The following VIT variants were observed in gnomAD, a reference collection of about 807,000 sequenced individuals.
VIT encodes vitrin.
A neutral mutation model predicts 78.0 loss-of-function variants in VIT; 99 were observed. The ratio of observed to expected loss-of-function variants is 1.27; its 90% CI spans 1.08 to 1.50. The LOEUF is 1.50. VIT is among the 40% of genes most tolerant of loss of function. The probability of loss-of-function intolerance (pLI) is 0.00; values close to 1 mark genes in which losing one functional copy is unlikely to be tolerated. For missense variants in VIT, 1,126 were observed against 875.3 expected, an observed-to-expected ratio of 1.29 and a Z score of -3.61; for synonymous variants, 374 against 334.3, an observed-to-expected ratio of 1.12 and a Z score of -1.29.
At chr2:36,746,017 G>C (rs2148524266) in intron 4 of VIT, among the ~76,000 whole-genome samples, 1 of 152,196 alleles carries the variant, frequency 6.6e-6, no homozygotes, top group East Asian at 1.9e-4. Flanking sequence ...TATCATGAAA[G>C]GATATTGGAT....
intron 1 of VIT, among the ~76,000 whole-genome samples, chr2:36,701,644 C>G (rs1167154621): frequency 6.6e-6 from 1 of 152,246 alleles, no homozygotes; most frequent in East Asian, 1.9e-4. Context: ...CCTATGCCCT[C>G]GGGGGAACCT....
chr2:36,737,732 T>A (rs1369016886), intron 3 of VIT, among the ~76,000 whole-genome samples: 1 of 152,190 alleles, frequency 6.6e-6, no homozygotes, highest in Non-Finnish European at 1.5e-5. Context: ...TACGACTCCA[T>A]GGTTGTAAGA....
Position 36,814,297 on chromosome 2 carries a change from A to T in VIT, c.2018A>T (p.His673Leu). Residue 673 changes from histidine (H) to leucine (L), a missense_variant, in exon 16 of 16, where the codon CAT (histidine) becomes CTT (leucine). By Grantham distance (99) the His-to-Leu change is moderately conservative (BLOSUM62 -3). Transcript: ENST00000379242. ...TTTGTGGACGAGTTTGACAACCTCCATCAGTATGTCCCCAGGATCATCCAG... is the reference window on the plus strand; with the variant it reads ...TTTGTGGACGAGTTTGACAACCTCCTTCAGTATGTCCCCAGGATCATCCAG... The part of the protein sequence containing the change: ...SFFVDEFDNL[H>L]QYVPRIIQNI... 1 of 1,614,206 alleles carries T rather than the reference A, an allele frequency of 6.2e-7. No individual in the cohort carries two copies. Among genetic ancestry groups the T allele is most frequent in the Non-Finnish European group, 8.5e-7 (1 of 1,180,036 alleles).
chr2:36,805,329 T>G, intron 13 of VIT, 109 bp from the exon 14 acceptor site: 23 of 681,460 alleles, frequency 3.4e-5, no homozygotes, highest in Non-Finnish European at 4.5e-5. Flanking sequence ...AAAAAAAAAC[T>G]AGGGAGGGAA....
At chr2:36,721,473 C>A (rs1232197896) in intron 2 of VIT, among the ~76,000 whole-genome samples, 1 of 152,136 alleles carries the variant, frequency 6.6e-6, no homozygotes, top group African/African-American at 2.4e-5. Context: ...GGCTTCCCTG[C>A]CCCAAATCCT....
chr2:36,704,500 A>G (rs1665287474), intron 1 of VIT, among the ~76,000 whole-genome samples: 1 of 152,190 alleles, frequency 6.6e-6, no homozygotes, highest in African/African-American at 2.4e-5. Flanking sequence ...GGGGCCCTGC[A>G]GGAGAGTCTG....
chr2:36,759,118 G>T, intron 6 of VIT, 72 bp downstream of exon 6: 2 of 1,614,044 alleles, frequency 1.2e-6, no homozygotes, highest in Non-Finnish European at 1.7e-6. Flanking sequence ...GGGAGATAGC[G>T]GAGAAATTAA....
rs149375506 is a variant in VIT at position 36,796,110 on chromosome 2, TA to T, written c.1059-5173del. On this transcript the variant is annotated intron_variant, in intron 12 of 15. Coordinates refer to ENST00000379242, the MANE Select transcript of VIT (RefSeq NM_053276.4). ...ACGAATTCATGAGATCATGACTGATTAAAAAAAAAAAAAAAAAACATAGTGG... is the reference window on the plus strand; with the variant it reads ...ACGAATTCATGAGATCATGACTGATTAAAAAAAAAAAAAAAAACATAGTGG... Among the ~76,000 whole-genome samples, 780 of 141,260 alleles carry T rather than the reference TA, an allele frequency of 5.5e-3. 4 individuals are homozygous for T. The highest frequency in any genetic ancestry group is 0.018 in the African/African-American group (680 of 38,368). 92.7% of individuals were successfully genotyped at this position (141,260 alleles called of 152,430 possible).
rs2148549960 is a variant in VIT, at chr2:36,754,954, T to G, written c.309T>G (p.Leu103=). Residue 103 remains leucine (L), a synonymous_variant, in exon 5 of 16, where the codon CTT becomes CTG. Coordinates refer to ENST00000379242, the MANE Select transcript of VIT (RefSeq NM_053276.4). Reference sequence around the variant, plus strand: ...TTGATAATTCAGGAGGGAAAATACTTGTTCGGAAGGTTGCTGGACAGTCTG... The same window carrying G: ...TTGATAATTCAGGAGGGAAAATACTGGTTCGGAAGGTTGCTGGACAGTCTG... ...GVLDNSGGKI[L]VRKVAGQSGY... The G allele has an allele frequency of 6.2e-7, 1 of 1,614,160 alleles. No homozygotes were observed. The highest frequency in any genetic ancestry group is 1.3e-5 in the African/African-American group (1 of 75,060).
At chr2:36,722,448 A>C (rs1399927545) in intron 2 of VIT, among the ~76,000 whole-genome samples, 2 of 152,240 alleles carry the variant, frequency 1.3e-5, no homozygotes, top group Non-Finnish European at 2.9e-5. Context: ...TTTATGATTT[A>C]TGTGATTGTA....
intron 9 of VIT, among the ~76,000 whole-genome samples, chr2:36,780,594 T>C (rs1300776640): frequency 6.6e-6 from 1 of 152,198 alleles, no homozygotes; most frequent in African/African-American, 2.4e-5. Context: ...ACCTGGTTAA[T>C]GACCGAACTA....
chr2:36,715,694 C>T (rs13429574), intron 1 of VIT, among the ~76,000 whole-genome samples: 686 of 152,240 alleles, frequency 4.5e-3, no homozygotes, highest in African/African-American at 0.016. Flanking sequence ...GGGGTACAGC[C>T]TGGGCATCAG....
At chr2:36,704,952 C>T (rs552731946) in intron 1 of VIT, among the ~76,000 whole-genome samples, 1 of 152,172 alleles carries the variant, frequency 6.6e-6, no homozygotes, top group Non-Finnish European at 1.5e-5. Context: ...TCAGGCTAGT[C>T]CAGGCTCTAG....
intron 9 of VIT, among the ~76,000 whole-genome samples, chr2:36,777,238 TA>T (rs1670131404): frequency 6.6e-6 from 1 of 151,626 alleles, no homozygotes; most frequent in Admixed American, 6.6e-5. Flanking sequence ...TCGTACAAAC[TA>T]AAGGTCTTTG....
At chr2:36,714,680 C>G (rs1666014447) in intron 1 of VIT, among the ~76,000 whole-genome samples, 1 of 152,174 alleles carries the variant, frequency 6.6e-6, no homozygotes, top group African/African-American at 2.4e-5. Context: ...AAACTTCTCC[C>G]TTATTGCCTG....
intron 2 of VIT, among the ~76,000 whole-genome samples, chr2:36,723,191 T>A (rs1666621936): frequency 6.6e-6 from 1 of 152,174 alleles, no homozygotes; most frequent in Admixed American, 6.5e-5. Context: ...ACACACCATT[T>A]GTAATAAATG....
chr2:36,753,088 C>A (rs1258430203), intron 4 of VIT, among the ~76,000 whole-genome samples: 2 of 152,096 alleles, frequency 1.3e-5, no homozygotes, highest in Non-Finnish European at 2.9e-5. Flanking sequence ...CCATTATCCT[C>A]AGCAAACTAA....
intron 12 of VIT, among the ~76,000 whole-genome samples, chr2:36,792,869 CCTT>C (rs1665603139): frequency 6.6e-6 from 1 of 152,010 alleles, no homozygotes; most frequent in Non-Finnish European, 1.5e-5. Context: ...TATTTATTTT[CCTT>C]CTTTCATCTT....
At chr2:36,792,872 T>C (rs4670610) in intron 12 of VIT, among the ~76,000 whole-genome samples, 120,262 of 151,780 alleles carry the variant, frequency 0.79, 47,790 homozygotes, top group East Asian at 0.99. Context: ...TTATTTTCCT[T>C]CTTTCATCTT....
Sources: gnomAD v4.1 joint callset for allele counts (sites outside exome capture counted in the v4.1 genomes callset) on GRCh38, gnomAD v4.1.1 for gene constraint, MANE v1.5 for transcripts, NCBI Gene and HGNC (gene_info 2026-07-23, HGNC 2026-07-21) for gene names.